B3GALT1: variants seen among roughly 807,000 people sequenced by gnomAD.
B3GALT1 encodes UDP-Gal:betaGlcNAc beta 1,3-galactosyltransferase, polypeptide 1.
In B3GALT1, 10 loss-of-function variants were observed where a neutral mutation model predicts 23.2. The ratio of observed to expected loss-of-function variants is 0.43; its 90% CI spans 0.27 to 0.73. B3GALT1 has a LOEUF of 0.73. Ranked by LOEUF, B3GALT1 falls within the 30% of genes least tolerant of loss-of-function variation. B3GALT1 has a pLI of 0.21. For synonymous variants in B3GALT1, 156 were observed against 141.5 expected (o/e 1.10, Z -0.73); for missense variants, 299 against 405.4 (o/e 0.74, Z 2.25).
intron 4 of B3GALT1, among the ~76,000 whole-genome samples, chr2:167,839,800 A>C (rs530183291): frequency 0.081 from 6,816 of 83,862 alleles, no homozygotes; most frequent in Admixed American, 0.14. Flanking sequence ...TACAGTAACC[A>C]AAACAGCATG....
chr2:167,648,661 G>A (rs186689786), intron 3 of B3GALT1, among the ~76,000 whole-genome samples: 18 of 152,070 alleles, frequency 1.2e-4, no homozygotes, highest in Admixed American at 1.2e-3. Flanking sequence ...GCTTTTAGTG[G>A]CATTTTGTTT....
At chr2:167,481,798 T>C (rs141063175) in intron 1 of B3GALT1, among the ~76,000 whole-genome samples, 29 of 152,350 alleles carry the variant, frequency 1.9e-4, no homozygotes, top group African/African-American at 7.0e-4. Flanking sequence ...GAGTTAATTG[T>C]GTATTTTGTA....
chr2:167,352,497 G>A (rs1359916618), intron 1 of B3GALT1, among the ~76,000 whole-genome samples: 3 of 150,308 alleles, frequency 2.0e-5, no homozygotes, highest in Non-Finnish European at 4.4e-5. Context: ...CGAGGTGGGC[G>A]GATCACAAGG....
At chr2:167,754,571 G>A (rs1173811689) in intron 3 of B3GALT1, among the ~76,000 whole-genome samples, 2 of 152,168 alleles carry the variant, frequency 1.3e-5, no homozygotes, top group African/African-American at 4.8e-5. Flanking sequence ...GCTTAAAATA[G>A]CTAAAATCAA....
intron 2 of B3GALT1, among the ~76,000 whole-genome samples, chr2:167,578,873 T>A (rs1439048073): frequency 6.6e-6 from 1 of 152,082 alleles, no homozygotes; most frequent in Non-Finnish European, 1.5e-5. Flanking sequence ...GCAAATATTC[T>A]GCTTTTTCCT....
At chr2:167,318,328 C>T (rs1024291671) in intron 1 of B3GALT1, among the ~76,000 whole-genome samples, 59 of 152,048 alleles carry the variant, frequency 3.9e-4, no homozygotes, top group African/African-American at 1.3e-3. Flanking sequence ...TCAAAACAAA[C>T]AAACAAACAA....
At chr2:167,704,130 G>A (rs1327455872) in intron 3 of B3GALT1, among the ~76,000 whole-genome samples, 5 of 140,184 alleles carry the variant, frequency 3.6e-5, no homozygotes, top group South Asian at 2.2e-4. Context: ...GCAATGAGCC[G>A]AGATCGCACC....
At chr2:167,357,136 T>TA (rs1697428936) in intron 1 of B3GALT1, among the ~76,000 whole-genome samples, 1 of 152,030 alleles carries the variant, frequency 6.6e-6, no homozygotes, top group Non-Finnish European at 1.5e-5. Context: ...ACAAGTTATG[T>TA]AAAAAGTGTA....
chr2:167,695,733 C>A (rs1686781847), intron 3 of B3GALT1, among the ~76,000 whole-genome samples: 1 of 152,138 alleles, frequency 6.6e-6, no homozygotes, highest in African/African-American at 2.4e-5. Flanking sequence ...AGTTGGGAAG[C>A]TATTTCTTTC....
chr2:167,760,146 A>C (rs934367613), intron 3 of B3GALT1, among the ~76,000 whole-genome samples: 1 of 152,204 alleles, frequency 6.6e-6, no homozygotes, highest in Non-Finnish European at 1.5e-5. Context: ...AGTTTACTCC[A>C]TGTAAAAAAA....
intron 1 of B3GALT1, among the ~76,000 whole-genome samples, chr2:167,403,237 T>A (rs925938307): frequency 8.1e-6 from 1 of 123,338 alleles, no homozygotes; most frequent in Non-Finnish European, 1.7e-5. Flanking sequence ...ATGTTCTTAT[T>A]GTTCAATTCC....
intron 3 of B3GALT1, among the ~76,000 whole-genome samples, chr2:167,730,063 G>A (rs1227548729): frequency 1.3e-5 from 2 of 152,148 alleles, no homozygotes; most frequent in African/African-American, 2.4e-5. Flanking sequence ...AGAAAGAAAG[G>A]AGTCCATTGT....
chr2:167,809,183 G>T (rs185548047), intron 3 of B3GALT1, among the ~76,000 whole-genome samples: 12 of 152,092 alleles, frequency 7.9e-5, no homozygotes, highest in African/African-American at 2.7e-4. Context: ...TTAGCCATTC[G>T]TCTAATCTTT....
chr2:167,855,975 A>G (rs1218717336), intron 4 of B3GALT1, among the ~76,000 whole-genome samples: 3 of 152,184 alleles, frequency 2.0e-5, no homozygotes, highest in Admixed American at 2.0e-4. Flanking sequence ...AAATAGCCTC[A>G]GAATTTCATG....
chr2:167,506,654 G>A (rs891977997), intron 2 of B3GALT1, among the ~76,000 whole-genome samples: 13 of 152,160 alleles, frequency 8.5e-5, no homozygotes, highest in African/African-American at 2.7e-4. Context: ...GAATTTACAA[G>A]GGCCTTATAT....
chr2:167,439,355 G>A (rs549777584), intron 1 of B3GALT1, among the ~76,000 whole-genome samples: 9 of 152,078 alleles, frequency 5.9e-5, no homozygotes, highest in Admixed American at 5.9e-4. Context: ...ATTGTCAACT[G>A]TTCTTTTTTC....
chr2:167,419,556 T>C (rs1288073539), intron 1 of B3GALT1, among the ~76,000 whole-genome samples: 2 of 152,122 alleles, frequency 1.3e-5, no homozygotes, highest in Admixed American at 6.6e-5. Context: ...ACTTAGAAAA[T>C]ATAAAAGACA....
intron 2 of B3GALT1, among the ~76,000 whole-genome samples, chr2:167,638,461 T>G (rs1685597289): frequency 6.6e-6 from 1 of 152,078 alleles, no homozygotes; most frequent in Non-Finnish European, 1.5e-5. Flanking sequence ...CCGTGTTTCA[T>G]GTGTCACTGT....
chr2:167,367,290 A>G (rs751713865), intron 1 of B3GALT1, among the ~76,000 whole-genome samples: 11 of 152,212 alleles, frequency 7.2e-5, no homozygotes, highest in Non-Finnish European at 1.5e-4. Context: ...ATGTAACTTA[A>G]CTATTTTTTC....
Sources: allele counts gnomAD v4.1 joint callset (sites outside exome capture counted in the v4.1 genomes callset), GRCh38; gene constraint gnomAD v4.1.1; transcripts MANE v1.5; gene names NCBI Gene and HGNC (gene_info 2026-07-23, HGNC 2026-07-21).